AUTS2: variants seen among roughly 807,000 people sequenced by gnomAD.
AUTS2 encodes activator of transcription and developmental regulator AUTS2, also known as autism susceptibility gene 2 protein.
In AUTS2, 17 loss-of-function variants were observed where a neutral mutation model predicts 112.4. The observed-to-expected ratio is 0.15, with a 90% confidence interval of 0.10 to 0.23. AUTS2 has a LOEUF of 0.23. Ranked by LOEUF, AUTS2 falls within the 10% of genes least tolerant of loss-of-function variation. AUTS2 has a pLI of 1.00. For synonymous variants in AUTS2, 751 were observed against 702.7 expected, an observed-to-expected ratio of 1.07 and a Z score of -1.09; for missense variants, 1,510 against 1,701.6, an observed-to-expected ratio of 0.89 and a Z score of 1.98.
At chr7:69,967,434 G>A (rs915201110) in intron 2 of AUTS2, among the ~76,000 whole-genome samples, 23 of 152,276 alleles carry the variant, frequency 1.5e-4, no homozygotes, top group Non-Finnish European at 2.9e-4. Context: ...CACAGAGGGA[G>A]TGGGAGGGAG....
At chr7:70,660,009 T>A (rs1477163419) in intron 5 of AUTS2, among the ~76,000 whole-genome samples, 1 of 151,966 alleles carries the variant, frequency 6.6e-6, no homozygotes, top group Non-Finnish European at 1.5e-5. Flanking sequence ...AAACCCCATC[T>A]CTACTAAAAA....
chr7:70,258,106 G>A (rs1786976902), intron 4 of AUTS2, among the ~76,000 whole-genome samples: 1 of 152,218 alleles, frequency 6.6e-6, no homozygotes, highest in East Asian at 1.9e-4. Context: ...TTGCTTCAGC[G>A]AGACGATGAT....
chr7:70,330,835 T>C (rs1251926181), intron 4 of AUTS2, among the ~76,000 whole-genome samples: 1 of 152,206 alleles, frequency 6.6e-6, no homozygotes, highest in Non-Finnish European at 1.5e-5. Flanking sequence ...AGCATATAAG[T>C]CTTTCACCTT....
At chr7:69,664,093 T>G (rs2533434) in intron 1 of AUTS2, among the ~76,000 whole-genome samples, 108,455 of 152,112 alleles carry the variant, frequency 0.71, 38,734 homozygotes, top group East Asian at 0.78. Context: ...TCAGTCTGTG[T>G]GCCTGTCTTT....
At chr7:70,158,890 A>G (rs899516533) in intron 4 of AUTS2, among the ~76,000 whole-genome samples, 1 of 152,122 alleles carries the variant, frequency 6.6e-6, no homozygotes, top group African/African-American at 2.4e-5. Flanking sequence ...GGCAATAAAT[A>G]TATAAATAAT....
intron 1 of AUTS2, among the ~76,000 whole-genome samples, chr7:69,683,672 G>A (rs568025445): frequency 7.9e-5 from 12 of 152,070 alleles, no homozygotes; most frequent in South Asian, 2.1e-4. Flanking sequence ...TGAGGCGGGT[G>A]GATCACTTGA....
intron 4 of AUTS2, among the ~76,000 whole-genome samples, chr7:70,337,618 G>T (rs553549918): frequency 1.3e-5 from 2 of 152,284 alleles, no homozygotes; most frequent in South Asian, 4.1e-4. Context: ...TGAAATACTT[G>T]CTTTTTCATG....
chr7:69,739,476 G>A (rs1787172333), intron 1 of AUTS2, among the ~76,000 whole-genome samples: 1 of 152,104 alleles, frequency 6.6e-6, no homozygotes, highest in Non-Finnish European at 1.5e-5. Context: ...GTTGAATCTT[G>A]GGTATAAAGC....
chr7:69,937,117 G>A (rs1271338934), intron 2 of AUTS2, among the ~76,000 whole-genome samples: 1 of 152,156 alleles, frequency 6.6e-6, no homozygotes, highest in Non-Finnish European at 1.5e-5. Context: ...GAGTATGCAC[G>A]AGGGACTGTA....
At chr7:70,397,030 A>G (rs554125427) in intron 4 of AUTS2, among the ~76,000 whole-genome samples, 2 of 150,034 alleles carry the variant, frequency 1.3e-5, no homozygotes, top group South Asian at 4.2e-4. Context: ...CTTCACCAAC[A>G]CTTTGTATGT....
At chr7:70,545,933 G>T (rs1015500040) in intron 5 of AUTS2, among the ~76,000 whole-genome samples, 2 of 152,262 alleles carry the variant, frequency 1.3e-5, no homozygotes, top group East Asian at 3.9e-4. Context: ...TCTGGAAATG[G>T]TTGCACAGGA....
At chr7:70,304,140 C>T (rs1398024550) in intron 4 of AUTS2, among the ~76,000 whole-genome samples, 1 of 152,152 alleles carries the variant, frequency 6.6e-6, no homozygotes, top group Non-Finnish European at 1.5e-5. Flanking sequence ...TGATTCACAC[C>T]GTGAGCAGAA....
chr7:70,554,389 C>G (rs941582099), intron 5 of AUTS2, among the ~76,000 whole-genome samples: 1 of 135,212 alleles, frequency 7.4e-6, no homozygotes, highest in Non-Finnish European at 1.6e-5. Flanking sequence ...CTTTTCTTTT[C>G]TTTCTTTTTT....
intron 6 of AUTS2, 169 bp downstream of exon 6, chr7:70,698,789 T>A: frequency 2.0e-6 from 1 of 500,142 alleles, no homozygotes; most frequent in South Asian, 3.9e-5. Flanking sequence ...TGTGATGCAT[T>A]AACATTAACA....
At chr7:70,684,530 G>A (rs1390988591) in intron 5 of AUTS2, among the ~76,000 whole-genome samples, 6 of 151,048 alleles carry the variant, frequency 4.0e-5, no homozygotes, top group Non-Finnish European at 8.8e-5. Context: ...ATGGTGTGGC[G>A]TGATGTGGTG....
intron 6 of AUTS2, among the ~76,000 whole-genome samples, chr7:70,749,539 C>CT (rs1788672063): frequency 6.6e-6 from 1 of 152,190 alleles, no homozygotes; most frequent in Non-Finnish European, 1.5e-5. Flanking sequence ...TCAAAGTCCT[C>CT]TTTTCCCTGC....
At chr7:70,258,997 G>A (rs1018559905) in intron 4 of AUTS2, among the ~76,000 whole-genome samples, 31 of 152,038 alleles carry the variant, frequency 2.0e-4, no homozygotes, top group Non-Finnish European at 5.9e-5. Flanking sequence ...GGGAGGGTTC[G>A]GTTGTCTCAT....
At chr7:70,242,015 C>A (rs570103875) in intron 4 of AUTS2, among the ~76,000 whole-genome samples, 1 of 152,276 alleles carries the variant, frequency 6.6e-6, no homozygotes, top group Admixed American at 6.5e-5. Context: ...TATGGTACAG[C>A]CCCTATTCTT....
intron 4 of AUTS2, among the ~76,000 whole-genome samples, chr7:70,384,182 A>G (rs1009894542): frequency 6.6e-6 from 1 of 152,130 alleles, no homozygotes; most frequent in Non-Finnish European, 1.5e-5. Context: ...CCCGTGTTCC[A>G]TGGCTCTGCC....
Sources: gnomAD v4.1 joint callset for allele counts (sites outside exome capture counted in the v4.1 genomes callset) on GRCh38, gnomAD v4.1.1 for gene constraint, MANE v1.5 for transcripts, NCBI Gene and HGNC (gene_info 2026-07-23, HGNC 2026-07-21) for gene names.